CD99: variants seen among roughly 807,000 people sequenced by gnomAD.
CD99 encodes the protein CD99 molecule (Xg blood group).
A neutral mutation model predicts 28.4 loss-of-function variants in CD99; 19 were observed. The observed-to-expected ratio is 0.67, with a 90% CI of 0.47 to 0.98. The LOEUF (loss-of-function observed/expected upper bound fraction) is 0.98. Ranked by LOEUF, CD99 falls within the 50% of genes least tolerant of loss-of-function variation. The pLI is 0.00. For missense variants in CD99, 283 were observed against 248.8 expected, an observed-to-expected ratio of 1.14 and a Z score of -0.92; for synonymous variants, 103 against 92.1, an observed-to-expected ratio of 1.12 and a Z score of -0.67.
At chrX:2,732,044 G>C (rs1172592796) in intron 8 of CD99, among the ~76,000 whole-genome samples, 1 of 151,772 alleles carries the variant, frequency 6.6e-6, no homozygotes, top group Admixed American at 6.6e-5. Context: ...ACAGAGTCTT[G>C]CTATGTTGCC....
intron 1 of CD99, among the ~76,000 whole-genome samples, chrX:2,709,701 TAGAC>T (rs2048305387): frequency 1.3e-5 from 2 of 152,106 alleles, no homozygotes; most frequent in Non-Finnish European, 1.5e-5. Context: ...TGCATGAACA[TAGAC>T]ACACACATGC....
At chrX:2,692,346 C>A in intron 1 of CD99, 1 of 194,594 alleles carries the variant, frequency 5.1e-6, no homozygotes, top group South Asian at 8.5e-5. Flanking sequence ...TCAGGACGGG[C>A]CTTATCAGGG....
chrX:2,722,498 C>G (rs111461624), intron 5 of CD99, 129 bp from the exon 6 acceptor site: 2 of 803,864 alleles, frequency 2.5e-6, no homozygotes, highest in South Asian at 2.8e-5. Context: ...TTTTTATATT[C>G]TTAGTGGAGA....
intron 3 of CD99, 198 bp from the exon 4 acceptor site, chrX:2,719,463 T>A: frequency 1.6e-6 from 1 of 644,496 alleles, no homozygotes. Flanking sequence ...TCTCTGTTTT[T>A]TCCTCTTTTT....
chrX:2,696,240 C>T (rs948782913), intron 1 of CD99, among the ~76,000 whole-genome samples: 5 of 152,102 alleles, frequency 3.3e-5, no homozygotes, highest in Admixed American at 6.5e-5. Flanking sequence ...TTCCATGTCC[C>T]AGGCCCATGT....
At chrX:2,702,633 G>A (rs1479027024) in intron 1 of CD99, among the ~76,000 whole-genome samples, 1 of 152,040 alleles carries the variant, frequency 6.6e-6, no homozygotes, top group Admixed American at 6.6e-5. Context: ...GAAAGTTTGT[G>A]ACTTAGGTAA....
Position 2,714,408 on chromosome X carries a change from T to A in CD99, c.68-14T>A. 1.2e-5 allele frequency: 19 copies of A among 1,576,392 alleles called. No individual in the cohort carries two copies. Among genetic ancestry groups the A allele is most frequent in the Non-Finnish European group, 1.6e-5 (19 of 1,151,618 alleles). On this transcript the variant is annotated splice_polypyrimidine_tract_variant and intron_variant, in intron 1 of 9. Transcript: ENST00000381192. ...TTTTCTTGTTTCTAAGTTGACTCTT[T>A]TTTTCTCTCTTAGATGGTGGTTTCG...
intron 1 of CD99, among the ~76,000 whole-genome samples, chrX:2,698,975 G>T (rs938109178): frequency 3.7e-4 from 56 of 151,048 alleles, no homozygotes; most frequent in Non-Finnish European, 1.9e-4. Flanking sequence ...CACCCAGGCT[G>T]GAGTGCAGTG....
At chrX:2,699,720 G>A (rs866360873) in intron 1 of CD99, among the ~76,000 whole-genome samples, 29 of 152,294 alleles carry the variant, frequency 1.9e-4, no homozygotes, top group African/African-American at 5.8e-4. Flanking sequence ...GCCTGGCAAA[G>A]TCTTGGGTTT....
In CD99 at chrX:2,707,051, C is replaced by T. The variant is rs181235590; in HGVS notation, c.68-7371C>T. Among the ~76,000 whole-genome samples, 215 of 152,216 alleles carry T rather than the reference C, an allele frequency of 1.4e-3. 1 individual carries two copies. Among genetic ancestry groups the T allele is most frequent in the African/African-American group, 5.0e-3 (208 of 41,552 alleles). ...TGGGGTTTAAGATAACCCAAGTGTT[C>T]GGGCGCGGCGGCTCACATCTGTAAT... is the stretch of plus-strand genomic sequence containing the variant. On this transcript the variant is annotated intron_variant, in intron 1 of 9. Transcript: ENST00000381192.
intron 8 of CD99, among the ~76,000 whole-genome samples, chrX:2,727,032 A>G (rs1363586122): frequency 2.0e-5 from 3 of 152,096 alleles, no homozygotes; most frequent in Non-Finnish European, 2.9e-5. Context: ...AGCTACTCGG[A>G]AGGCTGAGGC....
chrX:2,699,378 C>T (rs2047734902), intron 1 of CD99, among the ~76,000 whole-genome samples: 1 of 151,752 alleles, frequency 6.6e-6, no homozygotes, highest in Non-Finnish European at 1.5e-5. Flanking sequence ...CTATGTTGGC[C>T]AGGATGGTCT....
At chrX:2,699,264 G>T (rs768156544) in intron 1 of CD99, among the ~76,000 whole-genome samples, 228 of 151,802 alleles carry the variant, frequency 1.5e-3, no homozygotes, top group African/African-American at 5.2e-3. Context: ...CCGCCTCCCT[G>T]GTTCAAGTGC....
In CD99 at chrX:2,691,846, C is replaced by T. The variant is rs375268811; in HGVS notation, c.67+419C>T. On this transcript the variant is annotated intron_variant, in intron 1 of 9. Coordinates refer to ENST00000381192, the MANE Select transcript of CD99 (RefSeq NM_002414.5). The stretch of plus-strand genomic sequence containing the variant: ...GAGGCCGCCCTGGAGTTGCCTGTCA[C>T]AGCCACGCCCTGCGTCCCGGGCCTA... 2.2e-5 allele frequency: 17 copies of T among 778,090 alleles called. No individual in the cohort carries two copies. In the African/African-American group the frequency reaches 2.5e-4, roughly 12 times the overall value. The allele number at this position is 778,090 out of a possible 1,614,324, so 48.2% of individuals were successfully genotyped here. A position where few individuals can be genotyped will look rare whatever the true frequency, so the allele number is the denominator to read the frequency against.
At chrX:2,726,124 C>T (rs2049267746) in intron 7 of CD99, 136 bp from the exon 8 acceptor site, 2 of 623,276 alleles carry the variant, frequency 3.2e-6, no homozygotes, top group African/African-American at 1.8e-5. Flanking sequence ...CTTTGCAAAT[C>T]GGTCAGCTCA....
chrX:2,708,472 G>A (rs971249947), intron 1 of CD99, among the ~76,000 whole-genome samples: 19 of 152,150 alleles, frequency 1.2e-4, no homozygotes, highest in East Asian at 1.9e-4. Context: ...AGCCTTGAGC[G>A]ATGGAAGCTG....
chrX:2,697,184 G>A (rs1470016247), intron 1 of CD99, among the ~76,000 whole-genome samples: 2 of 152,090 alleles, frequency 1.3e-5, no homozygotes, highest in Non-Finnish European at 2.9e-5. Flanking sequence ...TATAATATAT[G>A]TTTGTCATTG....
intron 1 of CD99, among the ~76,000 whole-genome samples, chrX:2,712,561 C>T (rs763534196): frequency 1.3e-5 from 2 of 152,086 alleles, no homozygotes; most frequent in East Asian, 1.9e-4. Flanking sequence ...CCCTTGCTAC[C>T]GTCTAAAGAT....
intron 1 of CD99, among the ~76,000 whole-genome samples, chrX:2,707,127 T>G (rs1004344462): frequency 6.6e-6 from 1 of 152,132 alleles, no homozygotes; most frequent in African/African-American, 2.4e-5. Context: ...GCCCGGAGTT[T>G]GAGACCAGCC....
Sources: gnomAD v4.1 joint callset for allele counts (sites outside exome capture counted in the v4.1 genomes callset) on GRCh38, gnomAD v4.1.1 for gene constraint, MANE v1.5 for transcripts, NCBI Gene and HGNC (gene_info 2026-07-23, HGNC 2026-07-21) for gene names.